The following CCSER1 variants were observed in gnomAD, a reference collection of about 807,000 sequenced individuals.
CCSER1 encodes the protein coiled-coil serine rich protein 1, also known as serine-rich coiled-coil domain-containing protein 1.
Under a neutral mutation model 82.0 loss-of-function variants are expected in CCSER1, and 41 were observed. The observed-to-expected ratio is 0.50, with a 90% CI of 0.39 to 0.65. The LOEUF (loss-of-function observed/expected upper bound fraction) is 0.65. CCSER1 is among the 30% of genes least tolerant of loss of function. The probability of loss-of-function intolerance (pLI) is 0.00; values close to 1 mark genes in which losing one functional copy is unlikely to be tolerated. For missense variants in CCSER1, 1,119 were observed against 1,064.2 expected (o/e 1.05, Z -0.72); for synonymous variants, 414 against 383.9 (o/e 1.08, Z -0.92).
chr4:91,211,179 A>T (rs908499799), intron 10 of CCSER1, among the ~76,000 whole-genome samples: 2 of 151,988 alleles, frequency 1.3e-5, no homozygotes, highest in Non-Finnish European at 2.9e-5. Flanking sequence ...CAAAGGTAAA[A>T]AACCAAGAGA....
At chr4:90,971,350 G>T (rs1308002361) in intron 9 of CCSER1, among the ~76,000 whole-genome samples, 1 of 151,862 alleles carries the variant, frequency 6.6e-6, no homozygotes, top group Non-Finnish European at 1.5e-5. Flanking sequence ...TAAACAACCA[G>T]ATCTCTTGAG....
intron 7 of CCSER1, among the ~76,000 whole-genome samples, chr4:90,731,999 GCACTGAAAA>G (rs918238159): frequency 6.9e-6 from 1 of 145,676 alleles, no homozygotes; most frequent in African/African-American, 2.6e-5. Context: ...GTCTGGTGTT[GCACTGAAAA>G]CACTGTACCT....
chr4:91,460,612 C>T (rs777027397), intron 10 of CCSER1, among the ~76,000 whole-genome samples: 1 of 151,994 alleles, frequency 6.6e-6, no homozygotes, highest in African/African-American at 2.4e-5. Context: ...TCTGTATTAA[C>T]CTTATCCTTA....
intron 10 of CCSER1, among the ~76,000 whole-genome samples, chr4:91,401,336 A>T (rs1406659598): frequency 6.7e-6 from 1 of 148,364 alleles, no homozygotes; most frequent in African/African-American, 2.4e-5. Context: ...TATATATTAC[A>T]TATAATATAC....
intron 10 of CCSER1, among the ~76,000 whole-genome samples, chr4:91,532,136 T>C (rs1761063616): frequency 6.6e-6 from 1 of 152,206 alleles, no homozygotes; most frequent in African/African-American, 2.4e-5. Flanking sequence ...TTGCCTATTA[T>C]GCTGAAATAA....
At chr4:91,480,957 T>C (rs1757873942) in intron 10 of CCSER1, among the ~76,000 whole-genome samples, 1 of 152,072 alleles carries the variant, frequency 6.6e-6, no homozygotes, top group African/African-American at 2.4e-5. Context: ...TATGTGTGAG[T>C]GAGAGAGAGG....
chr4:90,409,770 A>G (rs1754385211), intron 4 of CCSER1, among the ~76,000 whole-genome samples: 1 of 152,250 alleles, frequency 6.6e-6, no homozygotes, highest in Non-Finnish European at 1.5e-5. Flanking sequence ...GATCAAATTC[A>G]CACATAACAA....
chr4:91,348,978 G>C lies in CCSER1; in HGVS notation c.2218-249594G>C, dbSNP rs563007292. ...GGCTGGAGTGCAGTGGTGAGATCTCGACTCACTGCAAGCTCCGCCTCCCGG... is the reference window on the plus strand; with the variant it reads ...GGCTGGAGTGCAGTGGTGAGATCTCCACTCACTGCAAGCTCCGCCTCCCGG... On this transcript the variant is annotated intron_variant, in intron 10 of 10. Coordinates refer to ENST00000509176, the MANE Select transcript of CCSER1 (RefSeq NM_001145065.2). Among the ~76,000 whole-genome samples, 3 of 152,000 alleles carry C rather than the reference G, an allele frequency of 2.0e-5. No individual in the cohort carries two copies. In the East Asian group the frequency reaches 5.8e-4, roughly 30 times the overall value.
intron 9 of CCSER1, among the ~76,000 whole-genome samples, chr4:91,079,640 C>G (rs766414499): frequency 1.9e-4 from 29 of 152,108 alleles, no homozygotes; most frequent in Non-Finnish European, 3.8e-4. Context: ...TGGATACAGT[C>G]AGGACCCATC....
At chr4:90,818,849 G>A (rs748817606) in intron 8 of CCSER1, among the ~76,000 whole-genome samples, 1 of 151,884 alleles carries the variant, frequency 6.6e-6, no homozygotes, top group Non-Finnish European at 1.5e-5. Context: ...GTATGTTATA[G>A]AAAAAACATC....
At chr4:91,136,240 A>G (rs1581622808) in intron 10 of CCSER1, among the ~76,000 whole-genome samples, 1 of 151,912 alleles carries the variant, frequency 6.6e-6, no homozygotes, top group African/African-American at 2.4e-5. Flanking sequence ...TACTCTTCAC[A>G]CCTCATACAT....
In CCSER1 at chr4:91,565,751, A is replaced by G. The variant is rs146411090; in HGVS notation, c.2218-32821A>G. 1.1e-4 allele frequency among the ~76,000 whole-genome samples: 16 copies of G among 152,174 alleles called. No homozygotes were observed. The East Asian group carries it at 3.1e-3, about 29-fold the overall frequency. The stretch of plus-strand genomic sequence containing the variant: ...TAGTGAGGCTGTACATTGATTTTGT[A>G]TCCTGCAAATTTGCTGAAGTTGTTT... On this transcript the variant is annotated intron_variant, in intron 10 of 10. Transcript: ENST00000509176.
chr4:90,652,811 C>T (rs1729006854), intron 6 of CCSER1, among the ~76,000 whole-genome samples: 1 of 143,026 alleles, frequency 7.0e-6, no homozygotes, highest in Admixed American at 7.1e-5. Context: ...ATTCCTCTTC[C>T]CCTTTTTCCC....
chr4:91,515,609 G>T (rs2110126430), intron 10 of CCSER1, among the ~76,000 whole-genome samples: 1 of 152,182 alleles, frequency 6.6e-6, no homozygotes, highest in Middle Eastern at 3.4e-3. Flanking sequence ...TACCACTGAT[G>T]GTCATTTAGG....
At position 91,490,083 on chromosome 4, in the gene CCSER1, GGCAATAATGAAT is replaced by G. The variant is rs1758435173; in HGVS notation, c.2218-108486_2218-108475del. Among the ~76,000 whole-genome samples the G allele has an allele frequency of 3.3e-5, 5 of 152,240 alleles. No homozygotes were observed. In the South Asian group the frequency reaches 1.0e-3, roughly 32 times the overall value. On this transcript the variant is annotated intron_variant, in intron 10 of 10. Coordinates refer to ENST00000509176, the MANE Select transcript of CCSER1 (RefSeq NM_001145065.2). ...TAAAATGGCTTATATACAAAAGACA[GGCAATAATGAAT>G]GCTGGTGAAAATGTGGAGAAAAGGG...
intron 8 of CCSER1, among the ~76,000 whole-genome samples, chr4:90,849,068 A>T (rs1763538569): frequency 6.6e-6 from 1 of 152,198 alleles, no homozygotes. Flanking sequence ...GTAAATTGGT[A>T]CTGCATTAAG....
At chr4:90,135,306 C>T (rs1723467440) in intron 1 of CCSER1, among the ~76,000 whole-genome samples, 1 of 152,112 alleles carries the variant, frequency 6.6e-6, no homozygotes, top group South Asian at 2.1e-4. Flanking sequence ...TACCCAATCT[C>T]ACTATTCCTC....
chr4:90,131,338 C>T (rs1483284441), intron 1 of CCSER1, among the ~76,000 whole-genome samples: 2 of 152,182 alleles, frequency 1.3e-5, no homozygotes, highest in Non-Finnish European at 2.9e-5. Context: ...ACTTGTATTA[C>T]TACAGTAGTG....
At chr4:90,587,024 G>A (rs1420092357) in intron 5 of CCSER1, among the ~76,000 whole-genome samples, 1 of 152,134 alleles carries the variant, frequency 6.6e-6, no homozygotes, top group East Asian at 1.9e-4. Flanking sequence ...AACGGGGGGA[G>A]GCAGAAGAAA....
Sources: gnomAD v4.1 joint callset for allele counts (sites outside exome capture counted in the v4.1 genomes callset) on GRCh38, gnomAD v4.1.1 for gene constraint, MANE v1.5 for transcripts, NCBI Gene and HGNC (gene_info 2026-07-23, HGNC 2026-07-21) for gene names.